The following MCF2L2 variants were observed in gnomAD, a reference collection of about 807,000 sequenced individuals.
MCF2L2 encodes probable guanine nucleotide exchange factor MCF2L2.
In MCF2L2, 102 loss-of-function variants were observed where a neutral mutation model predicts 150.2. The ratio of observed to expected loss-of-function variants is 0.68; its 90% CI spans 0.58 to 0.80. MCF2L2 has a LOEUF of 0.80. Among genes scored for constraint, MCF2L2 ranks in the 30% least tolerant of loss-of-function variants. The pLI is 0.00. For missense variants in MCF2L2, 1,256 were observed against 1,372.8 expected (o/e 0.91, Z 1.34); for synonymous variants, 465 against 491.3 (o/e 0.95, Z 0.71).
intron 1 of MCF2L2, among the ~76,000 whole-genome samples, chr3:183,425,044 G>A (rs1209947246): frequency 2.6e-5 from 4 of 152,068 alleles, no homozygotes; most frequent in East Asian, 3.8e-4. Context: ...ATAGAGTGTC[G>A]TGTTTGTTTG....
intron 3 of MCF2L2, among the ~76,000 whole-genome samples, chr3:183,348,149 C>T (rs2108548954): frequency 6.6e-6 from 1 of 152,294 alleles, no homozygotes; most frequent in African/African-American, 2.4e-5. Flanking sequence ...CTAGAACCAA[C>T]CCAAATGCCC....
chr3:183,400,438 TGTAAG>T (rs1257365178), intron 1 of MCF2L2: 1 of 456,628 alleles, frequency 2.2e-6, no homozygotes, highest in Non-Finnish European at 4.4e-6. Flanking sequence ...CGCACCAAGG[TGTAAG>T]GTGAGTATCT....
intron 14 of MCF2L2, among the ~76,000 whole-genome samples, chr3:183,282,843 C>G (rs879327837): frequency 2.2e-4 from 33 of 152,298 alleles, no homozygotes; most frequent in Middle Eastern, 6.8e-3. Flanking sequence ...AGCTACAAGG[C>G]CAGTGGGTTG....
chr3:183,428,069 G>A lies in MCF2L2; in HGVS notation c.-92C>T, dbSNP rs1716268911. On this transcript the variant is annotated 5_prime_UTR_variant, in exon 1 of 30. Coordinates refer to ENST00000328913, the MANE Select transcript of MCF2L2 (RefSeq NM_015078.4). The surrounding 1 kb of genome is among the most constrained non-coding windows in gnomAD (Gnocchi z 5.1). ...TTTTTTAAAGGCATCTCCGCCCAAG[G>A]ATGCTCTGCCCTCGCCCTCTTCCTG... 3.1e-6 allele frequency: 3 copies of A among 960,920 alleles called. No homozygotes were observed. The highest frequency in any genetic ancestry group is 2.4e-5 in the East Asian group (1 of 41,600). The allele number at this position is 960,920 out of a possible 1,614,324, so 59.5% of individuals were successfully genotyped here. A position where few individuals can be genotyped will look rare whatever the true frequency, so the allele number is the denominator to read the frequency against.
chr3:183,220,214 TGTG>T (rs2108660592), intron 20 of MCF2L2, among the ~76,000 whole-genome samples: 2 of 152,344 alleles, frequency 1.3e-5, no homozygotes, highest in East Asian at 1.9e-4. Flanking sequence ...GGGCTTTGAT[TGTG>T]GTAGAGTGTT....
intron 22 of MCF2L2, among the ~76,000 whole-genome samples, chr3:183,215,289 C>T (rs1722873088): frequency 6.6e-6 from 1 of 152,086 alleles, no homozygotes; most frequent in Non-Finnish European, 1.5e-5. Flanking sequence ...AAAACAAACA[C>T]ATCTGAATAA....
chr3:183,303,426 A>G (rs1728952899), intron 10 of MCF2L2, among the ~76,000 whole-genome samples: 1 of 152,302 alleles, frequency 6.6e-6, no homozygotes, highest in Non-Finnish European at 1.5e-5. Context: ...CCCCCTTGCC[A>G]GCCACACTAA....
At chr3:183,193,201 T>C (rs1033448483) in intron 26 of MCF2L2, 105 bp from the exon 27 acceptor site, 2 of 925,464 alleles carry the variant, frequency 2.2e-6, no homozygotes, top group Non-Finnish European at 3.5e-6. Flanking sequence ...ATCTCTGGTC[T>C]AGGTCTCGAG....
rs577700658 is a variant in MCF2L2, at chr3:183,267,405, TG to T, written c.1862+9466del. On this transcript the variant is annotated intron_variant, in intron 15 of 29. Coordinates refer to ENST00000328913, the MANE Select transcript of MCF2L2 (RefSeq NM_015078.4). The surrounding 1 kb of genome is among the most constrained non-coding windows in gnomAD (Gnocchi z 5.5). ...CCTCCACCCTGATGTGGAGTGATCATGGGGGTGGGAAATATAGCTGGATCCG... is the reference window on the plus strand; with the variant it reads ...CCTCCACCCTGATGTGGAGTGATCATGGGGTGGGAAATATAGCTGGATCCG... Among the ~76,000 whole-genome samples, 126 of 152,316 alleles carry T rather than the reference TG, an allele frequency of 8.3e-4. No individual in the cohort carries two copies. Among genetic ancestry groups the T allele is most frequent in the African/African-American group, 3.0e-3 (124 of 41,576 alleles).
chr3:183,362,800 C>T (rs1256304904), intron 3 of MCF2L2, among the ~76,000 whole-genome samples: 1 of 151,882 alleles, frequency 6.6e-6, no homozygotes, highest in Non-Finnish European at 1.5e-5. Context: ...TAGTCATCTA[C>T]ATAAAGCTAC....
At chr3:183,201,180 G>C (rs1576916951) in intron 25 of MCF2L2, among the ~76,000 whole-genome samples, 1 of 152,212 alleles carries the variant, frequency 6.6e-6, no homozygotes, top group South Asian at 2.1e-4. Context: ...TTGGTAGCTT[G>C]ATGGGGATGG....
chr3:183,216,177 C>G, intron 21 of MCF2L2, 83 bp from the exon 22 acceptor site: 1 of 1,464,442 alleles, frequency 6.8e-7, no homozygotes, highest in Admixed American at 1.8e-5. Flanking sequence ...AGATGAGGAG[C>G]CAGGGATCCA....
intron 21 of MCF2L2, among the ~76,000 whole-genome samples, chr3:183,216,513 T>TA (rs1722921801): frequency 7.2e-6 from 1 of 139,710 alleles, no homozygotes; most frequent in African/African-American, 2.7e-5. Context: ...ATATTAAATA[T>TA]TTATATATTA....
chr3:183,334,889 G>C (rs1730411744), intron 5 of MCF2L2, among the ~76,000 whole-genome samples: 1 of 151,724 alleles, frequency 6.6e-6, no homozygotes, highest in African/African-American at 2.4e-5. Flanking sequence ...CAGATGGCTT[G>C]AGTCCAGGAG....
intron 7 of MCF2L2, among the ~76,000 whole-genome samples, chr3:183,314,068 AGCTGC>A (rs370256266): frequency 2.0e-4 from 31 of 152,334 alleles, no homozygotes; most frequent in African/African-American, 7.2e-4. Context: ...GGAAGGCTAA[AGCTGC>A]TTGTGTTTAC....
rs1316307049 is a variant in MCF2L2 at position 183,305,074 on chromosome 3, T to G, written c.1113+4642A>C. On this transcript the variant is annotated intron_variant, in intron 10 of 29. Transcript: ENST00000328913. The surrounding 1 kb of genome is among the most constrained non-coding windows in gnomAD (Gnocchi z 4.1). ...TTCCTTAACTCTTCACAACAAACCCTTTGATACAGGTACTGTTTTACCAAA... is the reference window on the plus strand; with the variant it reads ...TTCCTTAACTCTTCACAACAAACCCGTTGATACAGGTACTGTTTTACCAAA... 2.0e-5 allele frequency among the ~76,000 whole-genome samples: 3 copies of G among 152,148 alleles called. No individual in the cohort carries two copies. The highest frequency in any genetic ancestry group is 4.4e-5 in the Non-Finnish European group (3 of 68,030).
intron 15 of MCF2L2, among the ~76,000 whole-genome samples, chr3:183,239,043 A>T (rs375053421): frequency 1.4e-4 from 21 of 151,972 alleles, no homozygotes; most frequent in African/African-American, 5.1e-4. Flanking sequence ...TACCATCTAA[A>T]ATCATCAAGT....
intron 19 of MCF2L2, 93 bp downstream of exon 19, chr3:183,224,005 C>G: frequency 1.1e-6 from 1 of 906,440 alleles, no homozygotes; most frequent in Non-Finnish European, 1.8e-6. Context: ...AATCGCAATG[C>G]CAAGTTCCTC....
At chr3:183,407,156 A>T (rs935883844) in intron 1 of MCF2L2, among the ~76,000 whole-genome samples, 1 of 152,168 alleles carries the variant, frequency 6.6e-6, no homozygotes, top group African/African-American at 2.4e-5. Flanking sequence ...CTTTGTCAAA[A>T]ATCATTTGGC....
Sources: gnomAD v4.1 joint callset for allele counts (sites outside exome capture counted in the v4.1 genomes callset) on GRCh38, gnomAD v4.1.1 for gene constraint, Gnocchi (gnomAD v3.1) non-coding constraint, MANE v1.5 for transcripts, NCBI Gene and HGNC (gene_info 2026-07-23, HGNC 2026-07-21) for gene names.